The following KLC1 variants were observed in gnomAD, a reference collection of about 807,000 sequenced individuals.
KLC1 encodes kinesin 2 60/70kDa.
KLC1 carries 30 observed loss-of-function variants against 84.2 expected under a neutral mutation model. That is an observed-to-expected ratio of 0.36 (90% CI 0.27 to 0.48). The LOEUF (loss-of-function observed/expected upper bound fraction) is 0.48. Ranked by LOEUF, KLC1 falls within the 20% of genes least tolerant of loss-of-function variation. The pLI is 0.99. For missense variants in KLC1, 499 were observed against 805.4 expected, an observed-to-expected ratio of 0.62 and a Z score of 4.60; for synonymous variants, 289 against 293.3, an observed-to-expected ratio of 0.99 and a Z score of 0.15.
chr14:103,639,767 AT>A (rs969594390), intron 1 of KLC1, among the ~76,000 whole-genome samples: 15 of 148,266 alleles, frequency 1.0e-4, no homozygotes, highest in African/African-American at 3.7e-4. Context: ...TTTTTATTTT[AT>A]TATTTTTGAG....
At position 103,693,825 on chromosome 14, in the gene KLC1, A is replaced by G. The variant is rs2082260987; in HGVS notation, c.1848+1400A>G. 9 of 1,395,670 alleles carry G rather than the reference A, an allele frequency of 6.4e-6. No homozygotes were observed. The highest frequency in any genetic ancestry group is 2.7e-5 in the East Asian group (1 of 36,812). The allele number at this position is 1,395,670 out of a possible 1,614,324, so 86.5% of individuals were successfully genotyped here. On this transcript the variant is annotated intron_variant, in intron 15 of 16. Coordinates refer to ENST00000334553, the MANE Select transcript of KLC1 (RefSeq NM_001394837.1). The surrounding 1 kb of genome is among the most constrained non-coding windows in gnomAD (Gnocchi z 5.1). ...TTACTCGGCCTGCAGCCCCAGTGCC[A>G]GGAGCCACCCCGACCGCGACCCGGC... is the stretch of plus-strand genomic sequence containing the variant.
In KLC1 at chr14:103,693,540, T is replaced by C; in HGVS notation, c.1848+1115T>C. The C allele has an allele frequency of 6.5e-7, 1 of 1,536,036 alleles. No individual in the cohort carries two copies. The highest frequency in any genetic ancestry group is 2.4e-5 in the East Asian group (1 of 40,910). ...TGGTTAAGTGTAATTTTTCTATTTG[T>C]TTTTTCATGCAGGAACGAAATAATT... On this transcript the variant is annotated intron_variant, in intron 15 of 16. Coordinates refer to ENST00000334553, the MANE Select transcript of KLC1 (RefSeq NM_001394837.1). The surrounding 1 kb of genome is among the most constrained non-coding windows in gnomAD (Gnocchi z 5.1).
chr14:103,681,737 A>G (rs940743733), intron 13 of KLC1, among the ~76,000 whole-genome samples: 1 of 152,152 alleles, frequency 6.6e-6, no homozygotes, highest in Non-Finnish European at 1.5e-5. Context: ...GATTACAGGC[A>G]TAAACCACCG....
intron 15 of KLC1, chr14:103,696,091 C>CGGGGGGGGGG (rs2082460992): frequency 1.6e-5 from 12 of 744,640 alleles, no homozygotes; most frequent in Middle Eastern, 7.1e-4. Context: ...ATAATCACTG[C>CGGGGGGGGGG]GCCCCCGCCC....
intron 1 of KLC1, among the ~76,000 whole-genome samples, chr14:103,643,512 T>C (rs937849197): frequency 6.6e-6 from 1 of 152,228 alleles, no homozygotes; most frequent in African/African-American, 2.4e-5. Context: ...CAAATATGAG[T>C]GACCATGGCC....
chr14:103,665,515 A>G (rs977716140), intron 5 of KLC1, among the ~76,000 whole-genome samples: 2 of 152,038 alleles, frequency 1.3e-5, no homozygotes, highest in East Asian at 1.9e-4. Flanking sequence ...GCTCACTGCA[A>G]CCTCAGCCTC....
At chr14:103,697,522 TACCTATC>T (rs1221139180) in intron 15 of KLC1, 1 of 151,966 alleles carries the variant, frequency 6.6e-6, no homozygotes, top group African/African-American at 2.4e-5. Context: ...GATGTAACAG[TACCTATC>T]CCTAGGAGTT....
At chr14:103,649,698 G>GTTTT (rs79187666) in intron 1 of KLC1, among the ~76,000 whole-genome samples, 1 of 140,240 alleles carries the variant, frequency 7.1e-6, no homozygotes, top group African/African-American at 2.6e-5. Context: ...CTTCTTATGT[G>GTTTT]TTTTTTTTTT....
At chr14:103,678,595 T>G in intron 12 of KLC1, among the ~76,000 whole-genome samples, 1 of 149,290 alleles carries the variant, frequency 6.7e-6, no homozygotes, top group Non-Finnish European at 1.5e-5. Flanking sequence ...GAGTCTGAGG[T>G]GGGAGGATCG....
intron 1 of KLC1, among the ~76,000 whole-genome samples, chr14:103,636,382 G>T (rs2077046920): frequency 6.6e-6 from 1 of 151,922 alleles, no homozygotes; most frequent in Non-Finnish European, 1.5e-5. Context: ...CCACCATGCC[G>T]GGCTAATTTT....
intron 1 of KLC1, among the ~76,000 whole-genome samples, chr14:103,653,487 A>G (rs2078619015): frequency 6.6e-6 from 1 of 151,922 alleles, no homozygotes; most frequent in Admixed American, 6.6e-5. Context: ...ACACTCACCT[A>G]ATTTTTGTAT....
chr14:103,696,105 G>GCGC (rs2082479046), intron 15 of KLC1: 1 of 376,462 alleles, frequency 2.7e-6, no homozygotes, highest in African/African-American at 3.9e-5. Flanking sequence ...CCCGCCCCCC[G>GCGC]CCCCCCCCCA....
chr14:103,677,897 G>A (rs556223419), intron 12 of KLC1, among the ~76,000 whole-genome samples: 6 of 152,108 alleles, frequency 3.9e-5, no homozygotes, highest in Non-Finnish European at 2.9e-5. Flanking sequence ...AACCTGGGAG[G>A]TGGAGGCTGC....
At chr14:103,661,049 C>T (rs780684275) in intron 3 of KLC1, among the ~76,000 whole-genome samples, 1 of 152,172 alleles carries the variant, frequency 6.6e-6, no homozygotes, top group African/African-American at 2.4e-5. Flanking sequence ...TTACGAGTGC[C>T]TGTTTCTTCT....
At chr14:103,652,680 C>T (rs775876988) in intron 1 of KLC1, among the ~76,000 whole-genome samples, 21 of 152,100 alleles carry the variant, frequency 1.4e-4, no homozygotes, top group Middle Eastern at 3.4e-3. Context: ...TTAGTAGAGA[C>T]GGGGGTTTCA....
intron 15 of KLC1, chr14:103,700,357 G>A: frequency 2.7e-6 from 1 of 368,556 alleles, no homozygotes; most frequent in Non-Finnish European, 4.9e-6. Context: ...TCTGGGTGCT[G>A]CCGTGGCCTG....
rs1253888081 is a variant in KLC1 at position 103,694,978 on chromosome 14, G to C, written c.1848+2553G>C. 2.0e-6 allele frequency: 2 copies of C among 985,316 alleles called. No individual in the cohort carries two copies. The highest frequency in any genetic ancestry group is 2.4e-6 in the Non-Finnish European group (2 of 829,938). 61.0% of individuals were successfully genotyped at this position (985,316 alleles called of 1,614,324 possible). ...TGCCTGGCCCAGGAGCTGCCCTGTGGAGCCAGCGTTGTCCCCGAGCTGCTC... is the reference window on the plus strand; with the variant it reads ...TGCCTGGCCCAGGAGCTGCCCTGTGCAGCCAGCGTTGTCCCCGAGCTGCTC... On this transcript the variant is annotated intron_variant, in intron 15 of 16. Transcript: ENST00000334553. The surrounding 1 kb of genome is among the most constrained non-coding windows in gnomAD (Gnocchi z 4.5).
At chr14:103,664,883 C>T (rs1032452228) in intron 5 of KLC1, among the ~76,000 whole-genome samples, 1 of 140,990 alleles carries the variant, frequency 7.1e-6, no homozygotes. Flanking sequence ...AGTTTCTGGA[C>T]AGCACTGGAT....
At chr14:103,631,538 G>A (rs755219563) in intron 1 of KLC1, among the ~76,000 whole-genome samples, 21 of 152,154 alleles carry the variant, frequency 1.4e-4, no homozygotes, top group Admixed American at 1.4e-3. Context: ...TGAGTGAAAT[G>A]TATGATTAGT....
Sources: allele counts gnomAD v4.1 joint callset (sites outside exome capture counted in the v4.1 genomes callset), GRCh38; gene constraint gnomAD v4.1.1; non-coding constraint Gnocchi (gnomAD v3.1); transcripts MANE v1.5; gene names NCBI Gene and HGNC (gene_info 2026-07-23, HGNC 2026-07-21).